Variants in FER observed in about 807,000 individuals in gnomAD.
FER encodes tyrosine-protein kinase Fer.
Under a neutral mutation model 111.0 loss-of-function variants are expected in FER, and 63 were observed. The observed-to-expected ratio is 0.57, with a 90% CI of 0.46 to 0.70. The LOEUF (loss-of-function observed/expected upper bound fraction) is 0.70, where lower values mean the gene tolerates loss of function less well. Ranked by LOEUF, FER falls within the 30% of genes least tolerant of loss-of-function variation. The probability of loss-of-function intolerance (pLI) is 0.00; values close to 1 mark genes in which losing one functional copy is unlikely to be tolerated. For synonymous variants in FER, 327 were observed against 313.9 expected (o/e 1.04, Z -0.44); for missense variants, 914 against 954.0 (o/e 0.96, Z 0.55).
intron 11 of FER, 40 bp downstream of exon 11, chr5:108,946,262 T>C: frequency 7.2e-7 from 1 of 1,384,110 alleles, no homozygotes; most frequent in Non-Finnish European, 1.0e-6. Context: ...AAAATGGTCA[T>C]TGTCTAGCTT....
chr5:108,892,121 A>C (rs561179537), intron 9 of FER, among the ~76,000 whole-genome samples: 4 of 152,170 alleles, frequency 2.6e-5, no homozygotes, highest in Non-Finnish European at 4.4e-5. Context: ...TGCCACAATA[A>C]ACATACGTGT....
intron 16 of FER, among the ~76,000 whole-genome samples, chr5:109,082,866 A>G (rs1355589251): frequency 6.6e-6 from 1 of 152,086 alleles, no homozygotes; most frequent in Admixed American, 6.6e-5. Context: ...TCTTTTTATT[A>G]TTGACTGTTC....
chr5:108,962,792 G>T (rs965418801), intron 13 of FER, among the ~76,000 whole-genome samples: 4 of 152,072 alleles, frequency 2.6e-5, no homozygotes, highest in African/African-American at 9.7e-5. Context: ...AAAATATTAT[G>T]AATGAAGAGC....
At position 108,772,094 on chromosome 5, in the gene FER, C is replaced by T. The variant is rs1301128030; in HGVS notation, c.-60+3856C>T. ...TCATATGACAGGAGGGATGGAACTG[C>T]GAAGGGGGAATGCAGCTCTCTGCAG... On this transcript the variant is annotated intron_variant, in intron 2 of 19. Transcript: ENST00000281092. Among the ~76,000 whole-genome samples, 11 of 151,936 alleles carry T rather than the reference C, an allele frequency of 7.2e-5. No individual in the cohort carries two copies. In the East Asian group the frequency reaches 1.3e-3, roughly 19 times the overall value.
At chr5:108,772,308 A>G (rs1752983176) in intron 2 of FER, among the ~76,000 whole-genome samples, 1 of 144,202 alleles carries the variant, frequency 6.9e-6, no homozygotes, top group Admixed American at 6.9e-5. Context: ...GTTATGCCAT[A>G]TATATATGTA....
At chr5:109,064,964 T>C (rs1009733097) in intron 16 of FER, among the ~76,000 whole-genome samples, 1 of 152,208 alleles carries the variant, frequency 6.6e-6, no homozygotes, top group African/African-American at 2.4e-5. Context: ...TAATGTAATA[T>C]TTTAAATAAT....
chr5:109,063,260 A>T (rs568605207), intron 16 of FER, among the ~76,000 whole-genome samples: 4 of 152,310 alleles, frequency 2.6e-5, no homozygotes, highest in African/African-American at 9.6e-5. Context: ...TAAACATTTC[A>T]TCCTTCCCAT....
intron 8 of FER, among the ~76,000 whole-genome samples, chr5:108,880,817 T>C (rs981742693): frequency 2.6e-5 from 4 of 152,160 alleles, no homozygotes; most frequent in African/African-American, 9.6e-5. Context: ...TTTATTTTGC[T>C]TTAATATCAA....
chr5:108,844,023 CAT>C (rs753208057), intron 5 of FER, among the ~76,000 whole-genome samples: 3 of 94,338 alleles, frequency 3.2e-5, no homozygotes, highest in African/African-American at 1.3e-4. Context: ...TGTGTGTGAA[CAT>C]ATATATGTGT....
intron 17 of FER, among the ~76,000 whole-genome samples, chr5:109,146,268 A>C (rs58530838): frequency 0.076 from 4,392 of 58,102 alleles, 560 homozygotes; most frequent in Middle Eastern, 0.18. Flanking sequence ...ATATATATAT[A>C]TATATATATA....
At position 108,768,861 on chromosome 5, in the gene FER, G is replaced by A. The variant is rs190337021; in HGVS notation, c.-60+623G>A. Among the ~76,000 whole-genome samples the A allele has an allele frequency of 6.0e-3, 908 of 150,724 alleles. 7 individuals carry two copies. The highest frequency in any genetic ancestry group is 0.021 in the African/African-American group (863 of 40,896). On this transcript the variant is annotated intron_variant, in intron 2 of 19. Coordinates refer to ENST00000281092, the MANE Select transcript of FER (RefSeq NM_005246.4). ...TTTTTTTGAGACAGGGTCTGGCTCT[G>A]TCGCCCAGGCTGGAGTGCAGTGGCA...
chr5:108,864,011 G>A (rs914539905), intron 5 of FER, among the ~76,000 whole-genome samples: 2 of 152,140 alleles, frequency 1.3e-5, no homozygotes, highest in Non-Finnish European at 2.9e-5. Flanking sequence ...AGTGACAGGG[G>A]TTAGAGATAC....
At chr5:109,180,989 C>A in intron 18 of FER, 88 bp downstream of exon 18, 1 of 1,097,460 alleles carries the variant, frequency 9.1e-7, no homozygotes, top group South Asian at 1.9e-5. Flanking sequence ...AGGGGTAGCA[C>A]AGAATGCAAG....
At chr5:108,830,953 G>C (rs550777802) in intron 3 of FER, among the ~76,000 whole-genome samples, 200 of 152,302 alleles carry the variant, frequency 1.3e-3, no homozygotes, top group African/African-American at 4.3e-3. Flanking sequence ...GGATTCTATA[G>C]ATAGTGGCTT....
At chr5:109,038,749 G>T (rs1770745764) in intron 14 of FER, among the ~76,000 whole-genome samples, 1 of 151,782 alleles carries the variant, frequency 6.6e-6, no homozygotes, top group Non-Finnish European at 1.5e-5. Context: ...TAATTTCCAT[G>T]ATACAATTAA....
chr5:108,846,471 T>C (rs1197377653), intron 5 of FER, among the ~76,000 whole-genome samples: 2 of 152,144 alleles, frequency 1.3e-5, no homozygotes, highest in African/African-American at 4.8e-5. Flanking sequence ...TTTCTTTTTA[T>C]TTTAGGTTTG....
chr5:108,899,108 G>A (rs56805665), intron 10 of FER, among the ~76,000 whole-genome samples: 3,294 of 149,682 alleles, frequency 0.022, 124 homozygotes, highest in African/African-American at 0.077. Flanking sequence ...AAAAAAGACC[G>A]TATCTGAGAA....
chr5:108,967,771 A>C (rs1043942314), intron 13 of FER, among the ~76,000 whole-genome samples: 1 of 151,456 alleles, frequency 6.6e-6, no homozygotes, highest in Non-Finnish European at 1.5e-5. Context: ...AAAAAAAAAA[A>C]AAAAAAAAAA....
intron 13 of FER, among the ~76,000 whole-genome samples, chr5:108,997,579 T>C (rs1764162667): frequency 6.6e-6 from 1 of 152,076 alleles, no homozygotes; most frequent in South Asian, 2.1e-4. Context: ...TCTAATACTA[T>C]GTTCAATAGG....
Sources: gnomAD v4.1 joint callset for allele counts (sites outside exome capture counted in the v4.1 genomes callset) on GRCh38, gnomAD v4.1.1 for gene constraint, MANE v1.5 for transcripts, NCBI Gene and HGNC (gene_info 2026-07-23, HGNC 2026-07-21) for gene names.